SPPL3: variants seen among roughly 807,000 people sequenced by gnomAD.
The protein encoded by SPPL3 is signal peptide peptidase like 3, also known as signal peptide peptidase-like 3.
A neutral mutation model predicts 42.4 loss-of-function variants in SPPL3; 5 were observed. The ratio of observed to expected loss-of-function variants is 0.12; its 90% CI spans 0.06 to 0.25. The LOEUF is 0.25. Ranked by LOEUF, SPPL3 falls within the 10% of genes least tolerant of loss-of-function variation. SPPL3 has a pLI of 1.00. For synonymous variants in SPPL3, 195 were observed against 181.8 expected, an observed-to-expected ratio of 1.07 and a Z score of -0.58; for missense variants, 235 against 489.0, an observed-to-expected ratio of 0.48 and a Z score of 4.90.
chr12:120,771,871 C>T (rs903142279), intron 6 of SPPL3, among the ~76,000 whole-genome samples: 2 of 152,180 alleles, frequency 1.3e-5, no homozygotes, highest in South Asian at 2.1e-4. Flanking sequence ...CACAATTTCC[C>T]GCTCTCCACA....
intron 2 of SPPL3, among the ~76,000 whole-genome samples, chr12:120,806,236 C>A (rs190190211): frequency 6.9e-6 from 1 of 145,164 alleles, no homozygotes; most frequent in East Asian, 2.2e-4. Flanking sequence ...CTTGCTATGT[C>A]ACCCTGGCTT....
intron 1 of SPPL3, among the ~76,000 whole-genome samples, chr12:120,861,811 T>C (rs1361596609): frequency 1.3e-5 from 2 of 152,168 alleles, no homozygotes; most frequent in Non-Finnish European, 2.9e-5. Context: ...ATACCCAAGA[T>C]TTCTGAGATA....
chr12:120,904,211 C>T lies in SPPL3; in HGVS notation c.-344G>A, dbSNP rs1441076756. 1.3e-5 allele frequency: 3 copies of T among 224,946 alleles called. No individual in the cohort carries two copies. In the Admixed American group the frequency reaches 1.7e-4, roughly 13 times the overall value. The allele number at this position is 224,946 out of a possible 1,614,324, so 13.9% of individuals were successfully genotyped here. On this transcript the variant is annotated 5_prime_UTR_variant, in exon 1 of 11. Transcript: ENST00000353487. Reference sequence around the variant, plus strand: ...GCGGGCGAACGGCAAGACGGGCCCGCGCTCACTGCGCGCGGGGCCGCGGGA... The same window carrying T: ...GCGGGCGAACGGCAAGACGGGCCCGTGCTCACTGCGCGCGGGGCCGCGGGA...
chr12:120,785,890 T>A (rs1869705164), intron 3 of SPPL3, among the ~76,000 whole-genome samples: 2 of 130,410 alleles, frequency 1.5e-5, no homozygotes. Context: ...AGTGGGAGGA[T>A]CACTTGAGCC....
intron 2 of SPPL3, among the ~76,000 whole-genome samples, chr12:120,800,058 C>T (rs1870237351): frequency 6.6e-6 from 1 of 152,236 alleles, no homozygotes; most frequent in Admixed American, 6.5e-5. Context: ...GCTGCATCTT[C>T]ACAGAAGACT....
chr12:120,825,309 C>T (rs1871204860), intron 1 of SPPL3, among the ~76,000 whole-genome samples: 2 of 152,058 alleles, frequency 1.3e-5, no homozygotes, highest in South Asian at 4.1e-4. Flanking sequence ...GAAATTATGG[C>T]AAAAGCAGCC....
chr12:120,878,398 A>C (rs760118442), intron 1 of SPPL3, among the ~76,000 whole-genome samples: 9 of 152,214 alleles, frequency 5.9e-5, no homozygotes, highest in Non-Finnish European at 1.0e-4. Flanking sequence ...ACTCTGTAAA[A>C]ACATAAAGAT....
At chr12:120,812,129 G>A (rs1870705658) in intron 1 of SPPL3, among the ~76,000 whole-genome samples, 1 of 150,594 alleles carries the variant, frequency 6.6e-6, no homozygotes, top group South Asian at 2.1e-4. Flanking sequence ...AAGTAACATA[G>A]GAGGAACAGA....
At chr12:120,902,578 C>T (rs1052426536) in intron 1 of SPPL3, among the ~76,000 whole-genome samples, 4 of 152,104 alleles carry the variant, frequency 2.6e-5, no homozygotes, top group African/African-American at 7.2e-5. Context: ...GAAAAAGGAC[C>T]GAAGAACTCA....
At chr12:120,819,149 A>G (rs912184696) in intron 1 of SPPL3, among the ~76,000 whole-genome samples, 7 of 152,248 alleles carry the variant, frequency 4.6e-5, no homozygotes, top group Non-Finnish European at 7.3e-5. Context: ...CTTTGATACT[A>G]CACTAAAATT....
At chr12:120,810,176 C>G (rs1374715462) in intron 2 of SPPL3, among the ~76,000 whole-genome samples, 3 of 152,026 alleles carry the variant, frequency 2.0e-5, no homozygotes, top group African/African-American at 7.2e-5. Context: ...GAGACGGGGT[C>G]TTGCTATGTT....
At chr12:120,898,314 TAA>T (rs869283065) in intron 1 of SPPL3, among the ~76,000 whole-genome samples, 15,058 of 64,358 alleles carry the variant, frequency 0.23, 2,141 homozygotes, top group Admixed American at 0.31. Context: ...TTTTTTTTTT[TAA>T]AAAAAAAAAA....
intron 6 of SPPL3, among the ~76,000 whole-genome samples, chr12:120,781,296 AT>A (rs539726901): frequency 6.6e-6 from 1 of 152,070 alleles, no homozygotes; most frequent in Non-Finnish European, 1.5e-5. Context: ...ATAGGTATAG[AT>A]TTTTTTAATG....
At chr12:120,853,508 A>C (rs1872332063) in intron 1 of SPPL3, among the ~76,000 whole-genome samples, 1 of 152,240 alleles carries the variant, frequency 6.6e-6, no homozygotes, top group South Asian at 2.1e-4. Flanking sequence ...AACAAACCAT[A>C]GTATTCCTAA....
intron 1 of SPPL3, among the ~76,000 whole-genome samples, chr12:120,854,520 C>T (rs145111123): frequency 7.3e-4 from 111 of 152,168 alleles, no homozygotes; most frequent in African/African-American, 2.6e-3. Flanking sequence ...AACAGCTACA[C>T]CTATAAATCA....
intron 1 of SPPL3, among the ~76,000 whole-genome samples, chr12:120,852,712 A>T (rs1405489557): frequency 1.0e-4 from 4 of 39,046 alleles, no homozygotes; most frequent in Admixed American, 3.9e-4. Flanking sequence ...ACATATATGA[A>T]ATATATTTTA....
chr12:120,862,028 C>T (rs762088632), intron 1 of SPPL3, among the ~76,000 whole-genome samples: 5 of 152,100 alleles, frequency 3.3e-5, no homozygotes, highest in Non-Finnish European at 5.9e-5. Flanking sequence ...GGCAGTACTA[C>T]AGAAAATAAT....
At chr12:120,809,766 T>A (rs1056454219) in intron 2 of SPPL3, among the ~76,000 whole-genome samples, 1 of 152,114 alleles carries the variant, frequency 6.6e-6, no homozygotes, top group Non-Finnish European at 1.5e-5. Flanking sequence ...TCAGAGAGAA[T>A]ACCTGGTAAT....
intron 1 of SPPL3, among the ~76,000 whole-genome samples, chr12:120,900,536 C>T (rs1441280125): frequency 5.3e-5 from 8 of 149,548 alleles, no homozygotes; most frequent in African/African-American, 1.5e-4. Context: ...GCCCTGGAGG[C>T]ACTGCTGTGA....
Sources: allele counts gnomAD v4.1 joint callset (sites outside exome capture counted in the v4.1 genomes callset), GRCh38; gene constraint gnomAD v4.1.1; transcripts MANE v1.5; gene names NCBI Gene and HGNC (gene_info 2026-07-23, HGNC 2026-07-21).